The following HNF4A variants were observed in gnomAD, a reference collection of about 807,000 sequenced individuals.
HNF4A encodes the protein hepatocyte nuclear factor 4-alpha.
HNF4A carries 15 observed loss-of-function variants against 52.4 expected under a neutral mutation model. The observed-to-expected ratio is 0.29, with a 90% CI of 0.19 to 0.44. The LOEUF (loss-of-function observed/expected upper bound fraction) is 0.44, where lower values mean the gene tolerates loss of function less well. Among genes scored for constraint, HNF4A ranks in the 20% least tolerant of loss-of-function variants. HNF4A has a pLI of 1.00. For missense variants in HNF4A, 479 were observed against 647.2 expected, an observed-to-expected ratio of 0.74 and a Z score of 2.82; for synonymous variants, 280 against 264.4, an observed-to-expected ratio of 1.06 and a Z score of -0.57.
At chr20:44,361,934 C>T (rs550999253) in intron 1 of HNF4A, among the ~76,000 whole-genome samples, 78 of 152,066 alleles carry the variant, frequency 5.1e-4, no homozygotes, top group African/African-American at 1.6e-3. Context: ...AGGAGTCAGC[C>T]GGGAGAAGAG....
At position 44,419,833 on chromosome 20, in the gene HNF4A, C is replaced by T. The variant is rs917593998; in HGVS notation, c.849C>T (p.Asp283=). The T allele has an allele frequency of 3.7e-6, 6 of 1,614,158 alleles. No homozygotes were observed. The highest frequency in any genetic ancestry group is 3.3e-5 in the Admixed American group (2 of 60,010). The change falls in exon 7 of 10, where the codon GAC becomes GAT. Residue 283 remains aspartate, a synonymous_variant. Transcript: ENST00000316099. ...CCTTCCAGGAGCTGCAGATCGATGA[C>T]AATGAGTATGCCTACCTCAAAGCCA...
intron 1 of HNF4A, among the ~76,000 whole-genome samples, chr20:44,390,220 G>GA (rs943786775): frequency 6.6e-6 from 1 of 152,178 alleles, no homozygotes; most frequent in Admixed American, 6.5e-5. Context: ...GGGGGATGGA[G>GA]AAACACGCTC....
chr20:44,371,425 G>C (rs914486701), intron 1 of HNF4A, among the ~76,000 whole-genome samples: 1 of 152,076 alleles, frequency 6.6e-6, no homozygotes, highest in African/African-American at 2.4e-5. Flanking sequence ...TTACAGGCGC[G>C]TGCCACTACT....
At position 44,429,768 on chromosome 20, in the gene HNF4A, A is replaced by G. The variant is rs978499168; in HGVS notation, c.*103A>G. 7.3e-6 allele frequency: 9 copies of G among 1,226,684 alleles called. No homozygotes were observed. The highest frequency in any genetic ancestry group is 2.2e-4 in the Middle Eastern group (1 of 4,466). 76.0% of individuals were successfully genotyped at this position (1,226,684 alleles called of 1,614,324 possible). A position where few individuals can be genotyped will look rare whatever the true frequency, so the allele number is the denominator to read the frequency against. On this transcript the variant is annotated 3_prime_UTR_variant, in exon 10 of 10. Coordinates refer to ENST00000316099, the MANE Select transcript of HNF4A (RefSeq NM_000457.6). Reference sequence around the variant, plus strand: ...CAAAGGAAGACGTGATGCCAGGACCAGTCCCAGAGCAGGAATGGGAAGGAT... The same window carrying G: ...CAAAGGAAGACGTGATGCCAGGACCGGTCCCAGAGCAGGAATGGGAAGGAT...
intron 5 of HNF4A, among the ~76,000 whole-genome samples, chr20:44,416,161 T>C (rs1272225769): frequency 1.3e-5 from 2 of 152,110 alleles, no homozygotes; most frequent in African/African-American, 2.4e-5. Context: ...ACAGCTGCCA[T>C]ATCAGGGGGT....
intron 7 of HNF4A, among the ~76,000 whole-genome samples, chr20:44,421,945 T>G (rs972431642): frequency 1.3e-5 from 2 of 150,502 alleles, no homozygotes; most frequent in African/African-American, 4.9e-5. Flanking sequence ...CCCCATGTAT[T>G]GAATGCTCCC....
chr20:44,400,328 C>T (rs183763831), upstream of HNF4A, among the ~76,000 whole-genome samples: 1,298 of 149,688 alleles, frequency 8.7e-3, 36 homozygotes, highest in Admixed American at 0.061. Context: ...AAGGGGGATA[C>T]GAAACAGGGA....
chr20:44,425,633 T>C lies in HNF4A; in HGVS notation c.1129+1379T>C, dbSNP rs142546349. On this transcript the variant is annotated intron_variant, in intron 8 of 9. Transcript: ENST00000316099. ...GTGAGGGGTGACCTCAGAGATCCAT[T>C]GTGGACCCTCTTTTCTTTTTTCCTT... Among the ~76,000 whole-genome samples the C allele has an allele frequency of 3.3e-3, 503 of 150,478 alleles. 3 individuals are homozygous for C. Among genetic ancestry groups the C allele is most frequent in the East Asian group, 0.017 (88 of 5,088 alleles).
At chr20:44,356,476 A>G (rs1443202861) in intron 1 of HNF4A, among the ~76,000 whole-genome samples, 2 of 152,306 alleles carry the variant, frequency 1.3e-5, no homozygotes, top group East Asian at 1.9e-4. Flanking sequence ...AAGCAACCCA[A>G]TGTCCCTCAG....
intron 3 of HNF4A, among the ~76,000 whole-genome samples, chr20:44,411,617 C>T (rs2063585045): frequency 6.6e-6 from 1 of 152,162 alleles, no homozygotes. Flanking sequence ...AGGTTGCTTG[C>T]CTCTGGACTT....
intron 1 of HNF4A, among the ~76,000 whole-genome samples, chr20:44,386,736 G>A (rs940847167): frequency 2.6e-5 from 4 of 152,178 alleles, no homozygotes; most frequent in South Asian, 2.1e-4. Flanking sequence ...CAGTCCCCAC[G>A]ACAAAGAATT....
At chr20:44,356,299 G>C (rs1165571830) in intron 1 of HNF4A, among the ~76,000 whole-genome samples, 3 of 152,188 alleles carry the variant, frequency 2.0e-5, no homozygotes, top group African/African-American at 7.2e-5. Context: ...CCGCACCTCC[G>C]TTGGCTCTGG....
chr20:44,425,173 AG>A (rs1281721311), intron 8 of HNF4A, among the ~76,000 whole-genome samples: 1 of 152,186 alleles, frequency 6.6e-6, no homozygotes, highest in Non-Finnish European at 1.5e-5. Context: ...TAGTAAAGAC[AG>A]GGTTTCACCC....
chr20:44,365,956 G>A lies in HNF4A; in HGVS notation c.49+10103G>A, dbSNP rs143493678. 3.9e-5 allele frequency among the ~76,000 whole-genome samples: 6 copies of A among 152,226 alleles called. No individual in the cohort carries two copies. The East Asian group carries it at 7.7e-4, about 20-fold the overall frequency. ...CAAGAGGTGAAGGTTGCTGTGAGCCGAGATTACAACACCACACTCCAGCCT... is the reference window on the plus strand; with the variant it reads ...CAAGAGGTGAAGGTTGCTGTGAGCCAAGATTACAACACCACACTCCAGCCT... On this transcript the variant is annotated intron_variant, in intron 1 of 9. Transcript: ENST00000316673.
intron 1 of HNF4A, among the ~76,000 whole-genome samples, chr20:44,369,044 G>A (rs1234885948): frequency 1.3e-5 from 2 of 149,994 alleles, no homozygotes; most frequent in East Asian, 3.9e-4. Context: ...TCAGGAGTTC[G>A]AGACCAGCCT....
intron 1 of HNF4A, chr20:44,373,005 C>T (rs2063049743): frequency 6.6e-6 from 1 of 152,162 alleles, no homozygotes; most frequent in Non-Finnish European, 1.5e-5. Flanking sequence ...CCTCAGTCTC[C>T]TCATCTGTAA....
chr20:44,412,885 G>A (rs1040643839), intron 3 of HNF4A, among the ~76,000 whole-genome samples: 48 of 152,164 alleles, frequency 3.2e-4, no homozygotes, highest in African/African-American at 1.0e-3. Flanking sequence ...GAGAGGCTGC[G>A]ATTGCCACCG....
chr20:44,383,568 A>T (rs6073423), intron 1 of HNF4A, among the ~76,000 whole-genome samples: 52,805 of 142,550 alleles, frequency 0.37, 9,767 homozygotes, highest in Admixed American at 0.5. Flanking sequence ...TTTTTTTTTT[A>T]AATACGGAGT....
intron 5 of HNF4A, among the ~76,000 whole-genome samples, chr20:44,416,513 G>A (rs990016586): frequency 5.3e-5 from 8 of 152,256 alleles, no homozygotes; most frequent in East Asian, 3.8e-4. Context: ...TGCCCAGTGC[G>A]CAGGAGGCGC....
Sources: gnomAD v4.1 joint callset for allele counts (sites outside exome capture counted in the v4.1 genomes callset) on GRCh38, gnomAD v4.1.1 for gene constraint, MANE v1.5 for transcripts, NCBI Gene and HGNC (gene_info 2026-07-23, HGNC 2026-07-21) for gene names.